Variants in NUTM2B observed in about 807,000 individuals in gnomAD.
NUTM2B encodes NUT family member 2B.
A neutral mutation model predicts 42.4 loss-of-function variants in NUTM2B; 2 were observed. That is an observed-to-expected ratio of 0.05 (90% CI 0.02 to 0.15). The LOEUF (loss-of-function observed/expected upper bound fraction) is 0.15. Ranked by LOEUF, NUTM2B falls within the 10% of genes least tolerant of loss-of-function variation. The pLI is 1.00. For missense variants in NUTM2B, 58 were observed against 952.6 expected (o/e 0.06, Z 12.36); for synonymous variants, 18 against 402.4 (o/e 0.04, Z 11.43).
chr10:79,699,529 G>A (rs1358870834), upstream of NUTM2B, among the ~76,000 whole-genome samples: 11 of 152,300 alleles, frequency 7.2e-5, no homozygotes, highest in Non-Finnish European at 1.2e-4. Flanking sequence ...TGCAAACTCC[G>A]CCTCTTGGGT....
At position 79,711,923 on chromosome 10, in the gene NUTM2B, C is replaced by T. The variant is rs779611095; in HGVS notation, c.2075C>T (p.Ala692Val). The change falls in exon 7 of 7, where the codon GCC becomes GTC. Residue 692 changes from alanine to valine, a missense_variant. By Grantham distance (64) the Ala-to-Val change is moderately conservative. Transcript: ENST00000429828. Reference sequence around the variant, plus strand: ...CGAGGCAGAGCACACACTGGCATGGCCAGGTCCGAAGACTCTGTTGTGCTT... The same window carrying T: ...CGAGGCAGAGCACACACTGGCATGGTCAGGTCCGAAGACTCTGTTGTGCTT... The T allele has an allele frequency of 1.4e-5, 22 of 1,533,686 alleles. No homozygotes were observed. In the South Asian group the frequency reaches 2.0e-4, roughly 14 times the overall value.
upstream of NUTM2B, among the ~76,000 whole-genome samples, chr10:79,699,126 G>T (rs191704671): frequency 6.6e-6 from 1 of 151,896 alleles, no homozygotes; most frequent in East Asian, 1.9e-4. Context: ...GCATCACCAT[G>T]CAACATGCCC....
At chr10:79,698,453 CT>C (rs1840261785), upstream of NUTM2B, among the ~76,000 whole-genome samples, 1 of 139,216 alleles carries the variant, frequency 7.2e-6, no homozygotes, top group African/African-American at 2.6e-5. Flanking sequence ...ATTCATCTAT[CT>C]GCTGATAAAT....
the NUTM2B span, among the ~76,000 whole-genome samples, chr10:79,693,278 C>T: frequency 6.6e-6 from 1 of 152,230 alleles, no homozygotes; most frequent in African/African-American, 2.4e-5. Context: ...CTCACTGTTT[C>T]CTTCTGAGTG....
At chr10:79,702,332 C>T (rs1326451510), upstream of NUTM2B, among the ~76,000 whole-genome samples, 3 of 151,708 alleles carry the variant, frequency 2.0e-5, no homozygotes, top group East Asian at 5.9e-4. Context: ...ACTGTGGAGA[C>T]ATTTCACAGA....
chr10:79,702,211 T>C (rs1209050069), upstream of NUTM2B, among the ~76,000 whole-genome samples: 9 of 152,200 alleles, frequency 5.9e-5, no homozygotes, highest in Non-Finnish European at 1.3e-4. Flanking sequence ...GGAGGTAGAG[T>C]TGCACAGTGG....
At chr10:79,705,141 C>G (rs537594908) in intron 1 of NUTM2B, among the ~76,000 whole-genome samples, 1 of 127,292 alleles carries the variant, frequency 7.9e-6, no homozygotes, top group East Asian at 4.2e-4. Flanking sequence ...AGGAGAAGGG[C>G]CAGGGATGGG....
upstream of NUTM2B, among the ~76,000 whole-genome samples, chr10:79,699,738 C>T (rs1840278663): frequency 1.3e-5 from 2 of 152,138 alleles, no homozygotes; most frequent in Non-Finnish European, 2.9e-5. Context: ...CCACCGTGCC[C>T]GGCCCAGTTA....
chr10:79,711,237 CTTCT>C lies in NUTM2B; in HGVS notation c.1735-12_1735-9del, dbSNP rs1172700538. 5.0e-6 allele frequency: 8 copies of C among 1,594,560 alleles called. No homozygotes were observed. The highest frequency in any genetic ancestry group is 4.2e-5 in the African/African-American group (3 of 71,828). ...TGCCCAGGAAGCTCACGCCTTCTTC[CTTCT>C]GTTTCCAGGTGGAGGCCGTCATTCA... On this transcript the variant is annotated splice_polypyrimidine_tract_variant and intron_variant, in intron 5 of 6. Coordinates refer to ENST00000429828, the Ensembl canonical transcript of NUTM2B.
At chr10:79,698,873 A>G (rs926192222), upstream of NUTM2B, among the ~76,000 whole-genome samples, 14 of 152,102 alleles carry the variant, frequency 9.2e-5, no homozygotes, top group African/African-American at 3.1e-4. Flanking sequence ...CACGCCACAA[A>G]TATGCAAACA....
At chr10:79,700,630 T>C (rs1312809733), upstream of NUTM2B, among the ~76,000 whole-genome samples, 3 of 152,056 alleles carry the variant, frequency 2.0e-5, no homozygotes, top group African/African-American at 7.3e-5. Flanking sequence ...TACCTTCTGA[T>C]CACCCTTGGC....
the NUTM2B span, among the ~76,000 whole-genome samples, chr10:79,698,179 C>A: frequency 2.4e-4 from 26 of 109,500 alleles, no homozygotes; most frequent in African/African-American, 3.1e-4. Context: ...AAAAAAAAAA[C>A]CACAAAAACA....
chr10:79,702,425 C>T (rs1400548917), upstream of NUTM2B, among the ~76,000 whole-genome samples: 4 of 149,656 alleles, frequency 2.7e-5, no homozygotes, highest in African/African-American at 9.8e-5. Flanking sequence ...AGGAAATGAC[C>T]TTCTCACACA....
exon 7 of NUTM2B, chr10:79,712,366 C>T (rs1290898987): frequency 1.4e-6 from 2 of 1,414,654 alleles, no homozygotes; most frequent in Non-Finnish European, 1.9e-6. Context: ...AGGGCCTGGG[C>T]TCAGGGTCTC....
chr10:79,700,825 G>GT (rs1384098138), upstream of NUTM2B, among the ~76,000 whole-genome samples: 1 of 152,228 alleles, frequency 6.6e-6, no homozygotes, highest in Admixed American at 6.5e-5. Flanking sequence ...GGCACACGGG[G>GT]CAGGCCAGGA....
rs2132260560 is a variant in NUTM2B, at chr10:79,711,380, A to T, written c.1851+14A>T. On this transcript the variant is annotated intron_variant, in intron 6 of 6. Transcript: ENST00000429828. ...ACCCTTGCCCAGGTACCCCAGGGGC[A>T]GGAGGGACCTGGCACACAAGGCCCA... 1.6e-6 allele frequency: 2 copies of T among 1,273,470 alleles called. No individual in the cohort carries two copies. Among genetic ancestry groups the T allele is most frequent in the Middle Eastern group, 2.6e-4 (1 of 3,812 alleles). 78.9% of individuals were successfully genotyped at this position (1,273,470 alleles called of 1,614,324 possible).
the NUTM2B span, among the ~76,000 whole-genome samples, chr10:79,692,660 CTG>C: frequency 6.6e-6 from 1 of 152,228 alleles, no homozygotes; most frequent in African/African-American, 2.4e-5. Flanking sequence ...CCAGTGCCCA[CTG>C]TCAGCACAGC....
chr10:79,701,291 A>T (rs953630242), upstream of NUTM2B, among the ~76,000 whole-genome samples: 1 of 152,112 alleles, frequency 6.6e-6, no homozygotes, highest in Non-Finnish European at 1.5e-5. Context: ...TGATTTCTAG[A>T]AATGTTTTTG....
the NUTM2B span, among the ~76,000 whole-genome samples, chr10:79,696,242 G>T: frequency 6.6e-6 from 1 of 150,676 alleles, no homozygotes; most frequent in Non-Finnish European, 1.5e-5. Flanking sequence ...CTTAAGTGGT[G>T]TAAGTATCTC....
Sources: gnomAD v4.1 joint callset for allele counts (sites outside exome capture counted in the v4.1 genomes callset) on GRCh38, gnomAD v4.1.1 for gene constraint, MANE v1.5 for transcripts, NCBI Gene and HGNC (gene_info 2026-07-23, HGNC 2026-07-21) for gene names.